CHST8: variants seen among roughly 807,000 people sequenced by gnomAD.
CHST8 encodes carbohydrate sulfotransferase 8.
CHST8 carries 10 observed loss-of-function variants against 15.0 expected under a neutral mutation model. The observed-to-expected ratio is 0.67, with a 90% CI of 0.41 to 1.13. The LOEUF is 1.13. CHST8 is among the 50% of genes most tolerant of loss of function. The pLI, the probability that CHST8 is intolerant of heterozygous loss-of-function variation, is 0.00. For missense variants in CHST8, 634 were observed against 608.2 expected, an observed-to-expected ratio of 1.04 and a Z score of -0.45; for synonymous variants, 259 against 256.6, an observed-to-expected ratio of 1.01 and a Z score of -0.09.
At chr19:33,675,387 T>C (rs1234303564) in intron 2 of CHST8, among the ~76,000 whole-genome samples, 1 of 152,314 alleles carries the variant, frequency 6.6e-6, no homozygotes, top group East Asian at 1.9e-4. Context: ...TGAAGGGAGC[T>C]CTCAGGATAA....
intron 3 of CHST8, among the ~76,000 whole-genome samples, chr19:33,718,226 T>C (rs568272900): frequency 4.7e-4 from 71 of 151,898 alleles, no homozygotes; most frequent in African/African-American, 1.4e-3. Context: ...TTCTTTCTTT[T>C]TTTTTTTTTT....
chr19:33,725,526 C>T (rs903048694), intron 3 of CHST8, among the ~76,000 whole-genome samples: 8 of 152,204 alleles, frequency 5.3e-5, no homozygotes, highest in Admixed American at 5.2e-4. Flanking sequence ...GCCCTGAGCT[C>T]AGTGAGCCTT....
chr19:33,627,919 T>A (rs1347895035), intron 1 of CHST8, among the ~76,000 whole-genome samples: 1 of 152,162 alleles, frequency 6.6e-6, no homozygotes, highest in Non-Finnish European at 1.5e-5. Flanking sequence ...ACTAATTCAT[T>A]TTCTGCCAGA....
intron 3 of CHST8, among the ~76,000 whole-genome samples, chr19:33,690,091 A>C (rs549068922): frequency 6.6e-6 from 1 of 152,298 alleles, no homozygotes; most frequent in Admixed American, 6.5e-5. Flanking sequence ...ACAGGAGGTC[A>C]GCTGGCAGGG....
At chr19:33,751,564 T>C (rs980047117) in intron 3 of CHST8, among the ~76,000 whole-genome samples, 11 of 152,260 alleles carry the variant, frequency 7.2e-5, no homozygotes, top group Admixed American at 4.6e-4. Flanking sequence ...GACACTGGCT[T>C]AATGATAGTG....
At chr19:33,741,017 C>T (rs1353006057) in intron 3 of CHST8, among the ~76,000 whole-genome samples, 2 of 152,238 alleles carry the variant, frequency 1.3e-5, no homozygotes. Context: ...GAAAACAGCA[C>T]TCCCTCTCCT....
intron 1 of CHST8, among the ~76,000 whole-genome samples, chr19:33,638,830 C>T (rs1408763251): frequency 2.0e-5 from 3 of 152,044 alleles, no homozygotes; most frequent in South Asian, 4.2e-4. Flanking sequence ...TAGGTTCACA[C>T]GTTGTCCTCC....
Position 33,680,792 on chromosome 19 carries a change from G to A in CHST8, c.-86-8384G>A, listed in dbSNP as rs559304035. Among the ~76,000 whole-genome samples the A allele has an allele frequency of 1.1e-4, 17 of 152,298 alleles. No homozygotes were observed. The South Asian group carries it at 3.3e-3, about 30-fold the overall frequency. ...GGGGCTGGAGCTGATCCATGGAAATGACTATCTCTTATTTACGTGCACAAC... is the reference window on the plus strand; with the variant it reads ...GGGGCTGGAGCTGATCCATGGAAATAACTATCTCTTATTTACGTGCACAAC... On this transcript the variant is annotated intron_variant, in intron 2 of 4. Transcript: ENST00000650847.
chr19:33,630,505 A>AGT, intron 1 of CHST8, among the ~76,000 whole-genome samples: 1 of 148,850 alleles, frequency 6.7e-6, no homozygotes, highest in South Asian at 2.1e-4. Flanking sequence ...TGACGGAGCC[A>AGT]GCACGTGGGT....
At chr19:33,699,270 G>T (rs1187334674) in intron 3 of CHST8, among the ~76,000 whole-genome samples, 3 of 152,184 alleles carry the variant, frequency 2.0e-5, no homozygotes, top group African/African-American at 7.2e-5. Context: ...GGAAGCTCGG[G>T]CTCTGCTCTC....
chr19:33,750,686 CT>C (rs2145355679), intron 3 of CHST8, among the ~76,000 whole-genome samples: 1 of 152,354 alleles, frequency 6.6e-6, no homozygotes, highest in East Asian at 1.9e-4. Flanking sequence ...ATAGAGCATT[CT>C]TTTTCGTTTT....
At chr19:33,630,880 G>T (rs1420001837) in intron 1 of CHST8, among the ~76,000 whole-genome samples, 1 of 152,208 alleles carries the variant, frequency 6.6e-6, no homozygotes, top group Non-Finnish European at 1.5e-5. Flanking sequence ...TGGGGTCTTT[G>T]CACAAGGTTC....
At chr19:33,628,117 AC>A (rs1372313554) in intron 1 of CHST8, among the ~76,000 whole-genome samples, 1 of 152,134 alleles carries the variant, frequency 6.6e-6, no homozygotes, top group Non-Finnish European at 1.5e-5. Context: ...AGGAGTGGGA[AC>A]TAAGCAGGGT....
chr19:33,623,150 T>C (rs1972007880), intron 1 of CHST8, among the ~76,000 whole-genome samples: 2 of 151,968 alleles, frequency 1.3e-5, no homozygotes, highest in African/African-American at 4.8e-5. Flanking sequence ...CCCGCCGCCC[T>C]AACTTTCGCG....
intron 1 of CHST8, among the ~76,000 whole-genome samples, chr19:33,639,507 G>A (rs1357879772): frequency 1.3e-5 from 2 of 152,216 alleles, no homozygotes; most frequent in African/African-American, 2.4e-5. Flanking sequence ...AAGATGCCAG[G>A]TTGCGGCAGA....
chr19:33,701,338 T>C (rs1973332765), intron 3 of CHST8, among the ~76,000 whole-genome samples: 1 of 152,176 alleles, frequency 6.6e-6, no homozygotes, highest in Admixed American at 6.5e-5. Flanking sequence ...AGCCAGAGCC[T>C]CACTTTCCTT....
intron 3 of CHST8, among the ~76,000 whole-genome samples, chr19:33,698,639 G>T (rs1973270493): frequency 6.6e-6 from 1 of 151,958 alleles, no homozygotes; most frequent in Non-Finnish European, 1.5e-5. Flanking sequence ...GAGGTTGGGG[G>T]TGCCATTCAC....
Position 33,773,144 on chromosome 19 carries a change from A to T in CHST8, c.*81A>T. On this transcript the variant is annotated 3_prime_UTR_variant, in exon 5 of 5. Coordinates refer to ENST00000650847, the MANE Select transcript of CHST8 (RefSeq NM_001127895.2). Reference sequence around the variant, plus strand: ...GGCATCCTCCTGTCCCTGGCTCCTCATCCTGGGAGCAACAGGGCTCTGAGG... The same window carrying T: ...GGCATCCTCCTGTCCCTGGCTCCTCTTCCTGGGAGCAACAGGGCTCTGAGG... The T allele has an allele frequency of 7.0e-7, 1 of 1,420,578 alleles. No homozygotes were observed. The highest frequency in any genetic ancestry group is 9.4e-7 in the Non-Finnish European group (1 of 1,067,340). 88.0% of individuals were successfully genotyped at this position (1,420,578 alleles called of 1,614,324 possible).
At chr19:33,718,237 TA>T (rs1242757295) in intron 3 of CHST8, among the ~76,000 whole-genome samples, 3 of 149,074 alleles carry the variant, frequency 2.0e-5, no homozygotes, top group Admixed American at 6.7e-5. Flanking sequence ...TTTTTTTTTT[TA>T]AACAGACTCT....
Sources: allele counts gnomAD v4.1 joint callset (sites outside exome capture counted in the v4.1 genomes callset), GRCh38; gene constraint gnomAD v4.1.1; transcripts MANE v1.5; gene names NCBI Gene and HGNC (gene_info 2026-07-23, HGNC 2026-07-21).